PARD3B: variants seen among roughly 807,000 people sequenced by gnomAD.
PARD3B encodes the protein par-3 family cell polarity regulator beta.
A neutral mutation model predicts 130.2 loss-of-function variants in PARD3B; 103 were observed. The observed-to-expected ratio is 0.79, with a 90% confidence interval of 0.67 to 0.93. The LOEUF (loss-of-function observed/expected upper bound fraction) is 0.93. Ranked by LOEUF, PARD3B falls within the 40% of genes least tolerant of loss-of-function variation. PARD3B has a pLI of 0.00. For missense variants in PARD3B, 1,609 were observed against 1,499.2 expected, an observed-to-expected ratio of 1.07 and a Z score of -1.21; for synonymous variants, 583 against 553.2, an observed-to-expected ratio of 1.05 and a Z score of -0.76.
At chr2:205,102,709 T>A (rs1293021107) in intron 4 of PARD3B, among the ~76,000 whole-genome samples, 1 of 151,894 alleles carries the variant, frequency 6.6e-6, no homozygotes, top group Non-Finnish European at 1.5e-5. Context: ...GTGAGAGACA[T>A]TTTTTTTAAC....
chr2:205,088,677 C>T (rs983629702), intron 4 of PARD3B, among the ~76,000 whole-genome samples: 13 of 152,162 alleles, frequency 8.5e-5, no homozygotes, highest in Admixed American at 4.6e-4. Context: ...TGTCCCCTTT[C>T]TATTCCTTTG....
chr2:204,924,506 A>G (rs1475815493), intron 2 of PARD3B, among the ~76,000 whole-genome samples: 1 of 152,090 alleles, frequency 6.6e-6, no homozygotes, highest in Non-Finnish European at 1.5e-5. Flanking sequence ...ATATATGAAG[A>G]TATCAATTAG....
rs528379380 is a variant in PARD3B at position 204,757,701 on chromosome 2, T to A, written c.222+71419T>A. Reference sequence around the variant, plus strand: ...GATATGAAACTAGCGATTTTAAAACTTTTAATTTTTATTTAAAATTCAGAT... The same window carrying A: ...GATATGAAACTAGCGATTTTAAAACATTTAATTTTTATTTAAAATTCAGAT... On this transcript the variant is annotated intron_variant, in intron 2 of 22. Coordinates refer to ENST00000406610, the MANE Select transcript of PARD3B (RefSeq NM_001302769.2). 1.2e-4 allele frequency among the ~76,000 whole-genome samples: 19 copies of A among 152,322 alleles called. No individual in the cohort carries two copies. In the Middle Eastern group the frequency reaches 0.01, roughly 82 times the overall value.
chr2:205,425,405 CTTCAAGGGCAGTTTT>C (rs2047110157), intron 19 of PARD3B, among the ~76,000 whole-genome samples: 1 of 152,028 alleles, frequency 6.6e-6, no homozygotes, highest in Non-Finnish European at 1.5e-5. Context: ...GTTGGAGAGC[CTTCAAGGGCAGTTTT>C]CTTGAAATGG....
chr2:204,596,020 G>A (rs1395603638), intron 1 of PARD3B, among the ~76,000 whole-genome samples: 1 of 152,190 alleles, frequency 6.6e-6, no homozygotes, highest in Admixed American at 6.5e-5. Context: ...GCTGACTGCT[G>A]GGTGTAAAGA....
intron 6 of PARD3B, among the ~76,000 whole-genome samples, chr2:205,118,632 G>A (rs1053394998): frequency 6.6e-6 from 1 of 152,154 alleles, no homozygotes; most frequent in African/African-American, 2.4e-5. Context: ...CAAGTCTTTG[G>A]TGTCAACTCC....
At chr2:205,135,847 A>G (rs1293197016) in intron 10 of PARD3B, among the ~76,000 whole-genome samples, 2 of 152,174 alleles carry the variant, frequency 1.3e-5, no homozygotes, top group East Asian at 3.8e-4. Context: ...TTAAATTAAG[A>G]TGTTCAAGTA....
chr2:204,912,366 A>G (rs1231007308), intron 2 of PARD3B, among the ~76,000 whole-genome samples: 2 of 143,016 alleles, frequency 1.4e-5, no homozygotes, highest in Admixed American at 6.8e-5. Context: ...AAGTAACTCA[A>G]CAGAATAAAG....
chr2:205,080,428 C>T (rs1469715492), intron 4 of PARD3B, among the ~76,000 whole-genome samples: 1 of 151,824 alleles, frequency 6.6e-6, no homozygotes, highest in Non-Finnish European at 1.5e-5. Context: ...CTTGATTTAC[C>T]CACCCTGGCC....
intron 16 of PARD3B, among the ~76,000 whole-genome samples, chr2:205,264,846 G>C (rs962092207): frequency 4.6e-5 from 7 of 150,782 alleles, no homozygotes; most frequent in Admixed American, 4.6e-4. Flanking sequence ...AATTTTTCTT[G>C]TTATTTGAAA....
chr2:205,305,510 A>T (rs2042156893), intron 18 of PARD3B, among the ~76,000 whole-genome samples: 1 of 152,200 alleles, frequency 6.6e-6, no homozygotes, highest in Non-Finnish European at 1.5e-5. Context: ...CATATTCTAG[A>T]TAATTATTAG....
rs2034935016 is a variant in PARD3B at position 204,637,723 on chromosome 2, G to C, written c.121-48458G>C. 3.3e-5 allele frequency among the ~76,000 whole-genome samples: 5 copies of C among 149,774 alleles called. No individual in the cohort carries two copies. In the South Asian group the frequency reaches 1.1e-3, roughly 32 times the overall value. On this transcript the variant is annotated intron_variant, in intron 1 of 22. Coordinates refer to ENST00000406610, the MANE Select transcript of PARD3B (RefSeq NM_001302769.2). Reference sequence around the variant, plus strand: ...AGTTTATGATACCTTTAGCAAATTGGTTACAGCTTTTTTTTTTTTCCCTCT... The same window carrying C: ...AGTTTATGATACCTTTAGCAAATTGCTTACAGCTTTTTTTTTTTTCCCTCT...
chr2:205,500,349 C>T (rs2050114401), intron 21 of PARD3B, among the ~76,000 whole-genome samples: 1 of 152,152 alleles, frequency 6.6e-6, no homozygotes, highest in South Asian at 2.1e-4. Flanking sequence ...AGCTTTGATT[C>T]TTGCAACACA....
At chr2:204,711,701 A>T (rs973635241) in intron 2 of PARD3B, among the ~76,000 whole-genome samples, 14 of 151,988 alleles carry the variant, frequency 9.2e-5, no homozygotes, top group Non-Finnish European at 1.5e-4. Flanking sequence ...ATGCACCACC[A>T]TGCCCAGCTA....
intron 18 of PARD3B, chr2:205,302,015 C>T (rs890550501): frequency 1.8e-5 from 11 of 622,352 alleles, no homozygotes; most frequent in Non-Finnish European, 5.8e-6. Context: ...GAGTTCAAGA[C>T]CAGCCTGGGC....
chr2:205,138,517 A>G (rs966709840), intron 10 of PARD3B, among the ~76,000 whole-genome samples: 1 of 152,232 alleles, frequency 6.6e-6, no homozygotes, highest in Non-Finnish European at 1.5e-5. Flanking sequence ...ACTAAATTTT[A>G]GTATTTAAAT....
chr2:204,682,634 C>T (rs146905028), intron 1 of PARD3B, among the ~76,000 whole-genome samples: 1,775 of 152,284 alleles, frequency 0.012, 32 homozygotes, highest in African/African-American at 0.041. Flanking sequence ...AACTGTAATT[C>T]ATGTAGCCCC....
At position 205,230,346 on chromosome 2, in the gene PARD3B, G is replaced by A. The variant is rs2038770965; in HGVS notation, c.2141-15432G>A. Among the ~76,000 whole-genome samples, 2 of 152,150 alleles carry A rather than the reference G, an allele frequency of 1.3e-5. No individual in the cohort carries two copies. Among genetic ancestry groups the A allele is most frequent in the Admixed American group, 6.5e-5 (1 of 15,284 alleles). On this transcript the variant is annotated intron_variant, in intron 15 of 22. Transcript: ENST00000406610. This position sits in a 1 kb window ranked among gnomAD's most constrained non-coding sequence, Gnocchi z 4.1. ...GACCCACATTTTCTTTAGTCAGCAA[G>A]TGATGAATCCTACCAGGTCTGGGTT...
At chr2:204,923,660 A>G (rs1276189622) in intron 2 of PARD3B, among the ~76,000 whole-genome samples, 1 of 152,076 alleles carries the variant, frequency 6.6e-6, no homozygotes, top group Non-Finnish European at 1.5e-5. Flanking sequence ...ATACTGGGAT[A>G]GAGCAATCTT....
Sources: allele counts gnomAD v4.1 joint callset (sites outside exome capture counted in the v4.1 genomes callset), GRCh38; gene constraint gnomAD v4.1.1; non-coding constraint Gnocchi (gnomAD v3.1); transcripts MANE v1.5; gene names NCBI Gene and HGNC (gene_info 2026-07-23, HGNC 2026-07-21).